RNF152: variants seen among roughly 807,000 people sequenced by gnomAD.
RNF152 encodes ring finger protein 152.
RNF152 carries 11 observed loss-of-function variants against 12.7 expected under a neutral mutation model. The ratio of observed to expected loss-of-function variants is 0.86; its 90% CI spans 0.54 to 1.43. The LOEUF is 1.43. Ranked by LOEUF, RNF152 falls within the 40% of genes most tolerant of loss-of-function variation. RNF152 has a pLI of 0.00. For missense variants in RNF152, 255 were observed against 274.8 expected (o/e 0.93, Z 0.51); for synonymous variants, 113 against 120.3 (o/e 0.94, Z 0.40).
At chr18:61,893,796 T>TCCCTCGGA (rs1210467734), upstream of RNF152, 1 of 151,232 alleles carries the variant, frequency 6.6e-6, no homozygotes, top group Non-Finnish European at 1.5e-5. Context: ...CGAGGAAAGC[T>TCCCTCGGA]CCCTCGGACC....
rs1908883000 is a variant in RNF152 at position 61,812,996 on chromosome 18, T to A, written c.*2856A>T. 1 of 152,152 alleles carries A rather than the reference T, an allele frequency of 6.6e-6. No homozygotes were observed. Among genetic ancestry groups the A allele is most frequent in the Non-Finnish European group, 1.5e-5 (1 of 68,046 alleles). 9.4% of individuals were successfully genotyped at this position (152,152 alleles called of 1,614,324 possible). A position where few individuals can be genotyped will look rare whatever the true frequency, so the allele number is the denominator to read the frequency against. On this transcript the variant is annotated 3_prime_UTR_variant, in exon 2 of 2. Coordinates refer to ENST00000312828, the MANE Select transcript of RNF152 (RefSeq NM_173557.3). ...CAGTGCGAAGTTCATATCCCCCCCT[T>A]TCTGCAGAATTACAAAACGGACTCA...
At chr18:61,878,998 C>CAAAT (rs1912336883) in intron 1 of RNF152, among the ~76,000 whole-genome samples, 1 of 152,128 alleles carries the variant, frequency 6.6e-6, no homozygotes, top group African/African-American at 2.4e-5. Flanking sequence ...TTAGAAAGAA[C>CAAAT]AAATGGAAAG....
At chr18:61,892,071 G>C (rs79951917) in intron 1 of RNF152, among the ~76,000 whole-genome samples, 14 of 152,150 alleles carry the variant, frequency 9.2e-5, no homozygotes. Flanking sequence ...GATCTGGCTA[G>C]GCTGACATCA....
rs1384762657 is a variant in RNF152 at position 61,840,038 on chromosome 18, G to T, written c.-135-23440C>A. ...GAAACCAAGGCCTGGGTAACAGGTG[G>T]GCTCACTGCCATTGGGTATCACTGC... On this transcript the variant is annotated intron_variant, in intron 1 of 1. Transcript: ENST00000312828. 5.9e-5 allele frequency among the ~76,000 whole-genome samples: 9 copies of T among 152,344 alleles called. No homozygotes were observed. In the South Asian group the frequency reaches 1.9e-3, roughly 32 times the overall value.
At chr18:61,831,729 C>G (rs1909959728) in intron 1 of RNF152, among the ~76,000 whole-genome samples, 1 of 152,072 alleles carries the variant, frequency 6.6e-6, no homozygotes, top group Non-Finnish European at 1.5e-5. Flanking sequence ...ATTTCTATGT[C>G]AGATAGAAAG....
intron 1 of RNF152, among the ~76,000 whole-genome samples, chr18:61,859,064 C>T (rs1424761385): frequency 6.6e-6 from 1 of 152,134 alleles, no homozygotes; most frequent in Non-Finnish European, 1.5e-5. Flanking sequence ...GTCCCTCAGC[C>T]ACGACCCTGT....
intron 1 of RNF152, among the ~76,000 whole-genome samples, chr18:61,856,840 A>T (rs1209552270): frequency 6.6e-6 from 1 of 152,180 alleles, no homozygotes; most frequent in African/African-American, 2.4e-5. Context: ...CCCAGGAAAA[A>T]AGCGACAGGA....
chr18:61,855,609 G>T (rs1232989741), intron 1 of RNF152, among the ~76,000 whole-genome samples: 1 of 152,240 alleles, frequency 6.6e-6, no homozygotes, highest in Non-Finnish European at 1.5e-5. Flanking sequence ...CAGCACCTGT[G>T]CCAGCGCCTG....
intron 1 of RNF152, among the ~76,000 whole-genome samples, chr18:61,886,646 A>G (rs1256817618): frequency 6.6e-6 from 1 of 152,190 alleles, no homozygotes; most frequent in African/African-American, 2.4e-5. Flanking sequence ...GGTGAATGAT[A>G]ACTGGAAGGG....
chr18:61,881,522 C>A (rs1912461719), intron 1 of RNF152, among the ~76,000 whole-genome samples: 1 of 152,186 alleles, frequency 6.6e-6, no homozygotes, highest in Non-Finnish European at 1.5e-5. Flanking sequence ...ATCACATTCA[C>A]CTTTACTAAA....
At chr18:61,829,896 T>C (rs576920348) in intron 1 of RNF152, among the ~76,000 whole-genome samples, 2 of 152,268 alleles carry the variant, frequency 1.3e-5, no homozygotes, top group South Asian at 4.2e-4. Context: ...GGGGCAAGTG[T>C]AACCATTATA....
rs779018912 is a variant in RNF152 at position 61,816,450 on chromosome 18, G to A, written c.14C>T (p.Ser5Phe). 5.0e-6 allele frequency: 8 copies of A among 1,604,026 alleles called. No individual in the cohort carries two copies. The African/African-American group carries it at 6.7e-5, about 13-fold the overall frequency. The change falls in exon 2 of 2, where the codon TCC (serine) becomes TTC (phenylalanine). Residue 5 changes from serine to phenylalanine, a missense_variant. By Grantham distance (155) the Ser-to-Phe change is radical (BLOSUM62 -2). Transcript: ENST00000312828. METL[S>F]QDSLLECQIC... is the part of the protein sequence containing the mutation. ...CTGACATTCCAGCAGAGAGTCCTGG[G>A]ACAGCGTCTCCATGGTGGACCGTGA...
chr18:61,845,944 C>T (rs1405616915), intron 1 of RNF152, among the ~76,000 whole-genome samples: 3 of 151,986 alleles, frequency 2.0e-5, no homozygotes, highest in Non-Finnish European at 4.4e-5. Flanking sequence ...GATGAGGACT[C>T]AGCCCTCCTG....
In RNF152 at chr18:61,813,304, AC is replaced by A. The variant is rs1448476328; in HGVS notation, c.*2547del. 0.21 allele frequency: 31,650 copies of A among 150,602 alleles called. 4,024 individuals are homozygous for A. The highest frequency in any genetic ancestry group is 0.29 in the Non-Finnish European group (19,784 of 67,418). 9.3% of individuals were successfully genotyped at this position (150,602 alleles called of 1,614,324 possible). On this transcript the variant is annotated 3_prime_UTR_variant, in exon 2 of 2. Transcript: ENST00000312828. ...CACACACACACACACACACACACAC[AC>A]ACACACACACATACACAAGAATGCA...
At chr18:61,837,490 A>G (rs1217083795) in intron 1 of RNF152, among the ~76,000 whole-genome samples, 1 of 152,226 alleles carries the variant, frequency 6.6e-6, no homozygotes, top group Non-Finnish European at 1.5e-5. Context: ...ATGTCTGCCA[A>G]TAAGATGAAA....
At chr18:61,871,989 A>G (rs7237239) in intron 1 of RNF152, among the ~76,000 whole-genome samples, 19,333 of 152,130 alleles carry the variant, frequency 0.13, 1,466 homozygotes, top group African/African-American at 0.2. Flanking sequence ...GGTAATTTAT[A>G]AAGAAAAGAG....
At chr18:61,869,934 T>C (rs1474451173) in intron 1 of RNF152, among the ~76,000 whole-genome samples, 1 of 152,184 alleles carries the variant, frequency 6.6e-6, no homozygotes, top group Non-Finnish European at 1.5e-5. Flanking sequence ...AAAGAAACAG[T>C]GTCACTAGGA....
Position 61,808,696 on chromosome 18 carries a change from C to T in RNF152, c.*7156G>A, listed in dbSNP as rs928519863. Reference sequence around the variant, plus strand: ...GGTGAAATGAAAAAATATATGACGGCAACCAGGATATATAAACTGAAATAT... The same window carrying T: ...GGTGAAATGAAAAAATATATGACGGTAACCAGGATATATAAACTGAAATAT... On this transcript the variant is annotated 3_prime_UTR_variant, in exon 2 of 2. Transcript: ENST00000312828. The T allele has an allele frequency of 1.3e-5, 2 of 152,144 alleles. No individual in the cohort carries two copies. The highest frequency in any genetic ancestry group is 6.5e-5 in the Admixed American group (1 of 15,276). The allele number at this position is 152,144 out of a possible 1,614,324, so 9.4% of individuals were successfully genotyped here. A position where few individuals can be genotyped will look rare whatever the true frequency, so the allele number is the denominator to read the frequency against.
Position 61,815,628 on chromosome 18 carries a change from C to G in RNF152, c.*224G>C. ...TGATTATGAGGATGCATGCAATCAT[C>G]TTCCAAGCTGTTGCCATCAACACTC... On this transcript the variant is annotated 3_prime_UTR_variant, in exon 2 of 2. Transcript: ENST00000312828. 1 of 547,306 alleles carries G rather than the reference C, an allele frequency of 1.8e-6. No individual in the cohort carries two copies. Among genetic ancestry groups the G allele is most frequent in the South Asian group, 2.5e-5 (1 of 39,454 alleles). The allele number at this position is 547,306 out of a possible 1,614,324, so 33.9% of individuals were successfully genotyped here.
Sources: allele counts gnomAD v4.1 joint callset (sites outside exome capture counted in the v4.1 genomes callset), GRCh38; gene constraint gnomAD v4.1.1; transcripts MANE v1.5; gene names NCBI Gene and HGNC (gene_info 2026-07-23, HGNC 2026-07-21).